Variants in SLC44A5 observed in about 807,000 individuals in gnomAD.
The protein encoded by SLC44A5 is choline transporter-like protein 5.
SLC44A5 carries 57 observed loss-of-function variants against 101.8 expected under a neutral mutation model. The ratio of observed to expected loss-of-function variants is 0.56; its 90% CI spans 0.45 to 0.70. The LOEUF (loss-of-function observed/expected upper bound fraction) is 0.70, where lower values mean the gene tolerates loss of function less well. Ranked by LOEUF, SLC44A5 falls within the 30% of genes least tolerant of loss-of-function variation. The pLI, the probability that SLC44A5 is intolerant of heterozygous loss-of-function variation, is 0.00. For synonymous variants in SLC44A5, 281 were observed against 290.9 expected (o/e 0.97, Z 0.35); for missense variants, 737 against 853.1 (o/e 0.86, Z 1.70).
chr1:75,207,914 G>A (rs1475059673), intron 23 of SLC44A5, among the ~76,000 whole-genome samples: 1 of 152,118 alleles, frequency 6.6e-6, no homozygotes, highest in Non-Finnish European at 1.5e-5. Context: ...TCACCTTGCT[G>A]TCTAGGATGC....
At chr1:75,637,870 G>A in the SLC44A5 span, among the ~76,000 whole-genome samples, 1 of 151,938 alleles carries the variant, frequency 6.6e-6, no homozygotes, top group African/African-American at 2.4e-5. Context: ...CTATCCATGA[G>A]ATCCCCTTAA....
the SLC44A5 span, among the ~76,000 whole-genome samples, chr1:75,644,194 TA>T: frequency 1.3e-5 from 2 of 151,884 alleles, no homozygotes; most frequent in Non-Finnish European, 2.9e-5. Flanking sequence ...ACTAAGATAG[TA>T]AAAAAAATTT....
intron 12 of SLC44A5, among the ~76,000 whole-genome samples, chr1:75,233,670 T>C (rs1044906863): frequency 6.6e-6 from 1 of 152,088 alleles, no homozygotes; most frequent in Non-Finnish European, 1.5e-5. Flanking sequence ...ATAAAAGAAG[T>C]TGTCTGAAAT....
chr1:75,325,439 A>T (rs1656504365), intron 4 of SLC44A5, among the ~76,000 whole-genome samples: 1 of 152,160 alleles, frequency 6.6e-6, no homozygotes, highest in Non-Finnish European at 1.5e-5. Flanking sequence ...GGAGATTTTT[A>T]TATATACATA....
intron 3 of SLC44A5, among the ~76,000 whole-genome samples, chr1:75,376,856 G>T (rs1204164609): frequency 3.3e-5 from 5 of 152,192 alleles, no homozygotes; most frequent in Admixed American, 2.6e-4. Context: ...AGAGCAGAAG[G>T]CTTCAGACGA....
intron 5 of SLC44A5, among the ~76,000 whole-genome samples, chr1:75,296,390 C>G (rs1470364903): frequency 6.6e-6 from 1 of 150,456 alleles, no homozygotes; most frequent in African/African-American, 2.5e-5. Flanking sequence ...TTAATATTCC[C>G]TCCAAATGTA....
At chr1:75,690,051 G>A in the SLC44A5 span, among the ~76,000 whole-genome samples, 1 of 152,104 alleles carries the variant, frequency 6.6e-6, no homozygotes, top group African/African-American at 2.4e-5. Flanking sequence ...AGAAATAGAA[G>A]ACTAACCTCC....
chr1:75,663,647 A>C, the SLC44A5 span, among the ~76,000 whole-genome samples: 2 of 152,334 alleles, frequency 1.3e-5, no homozygotes, highest in South Asian at 2.1e-4. Context: ...TAAATCAGTA[A>C]TAAAAAACTT....
the SLC44A5 span, chr1:75,677,824 T>C: frequency 1.3e-5 from 5 of 392,412 alleles, no homozygotes; most frequent in African/African-American, 6.7e-5. Flanking sequence ...AGAAGATGGG[T>C]GATTTCTGCA....
intron 1 of SLC44A5, among the ~76,000 whole-genome samples, chr1:75,575,256 A>T (rs1382043570): frequency 6.6e-6 from 1 of 152,190 alleles, no homozygotes; most frequent in African/African-American, 2.4e-5. Flanking sequence ...CACATGTGTC[A>T]TTATTTGTAA....
chr1:75,331,648 C>T (rs193047209), intron 4 of SLC44A5, among the ~76,000 whole-genome samples: 1 of 152,332 alleles, frequency 6.6e-6, no homozygotes, highest in Admixed American at 6.5e-5. Flanking sequence ...AAAACCCTCA[C>T]ATGACTTTTC....
Position 75,325,745 on chromosome 1 carries a change from C to T in SLC44A5, c.101+13837G>A, listed in dbSNP as rs781626733. The stretch of plus-strand genomic sequence containing the variant: ...TATGTTTCAAGCATCCACTGAGGGT[C>T]GTGTGCATGCATGCGTGTGTGTGTG... On this transcript the variant is annotated intron_variant, in intron 4 of 23. Coordinates refer to ENST00000370859, the MANE Select transcript of SLC44A5 (RefSeq NM_001130058.2). 4.6e-5 allele frequency among the ~76,000 whole-genome samples: 5 copies of T among 108,546 alleles called. No individual in the cohort carries two copies. The South Asian group carries it at 9.5e-4, about 21-fold the overall frequency. 71.2% of individuals were successfully genotyped at this position (108,546 alleles called of 152,430 possible).
chr1:75,341,316 C>A (rs547621044), intron 3 of SLC44A5, among the ~76,000 whole-genome samples: 24 of 152,206 alleles, frequency 1.6e-4, no homozygotes, highest in African/African-American at 5.1e-4. Context: ...GCCTGGGTAA[C>A]CTGGCAAAAC....
At chr1:75,404,422 G>A (rs529374771) in intron 2 of SLC44A5, among the ~76,000 whole-genome samples, 2 of 152,226 alleles carry the variant, frequency 1.3e-5, no homozygotes, top group East Asian at 3.9e-4. Flanking sequence ...TAAAATGAAG[G>A]AAAAAATGTT....
chr1:75,642,984 C>T, the SLC44A5 span, among the ~76,000 whole-genome samples: 1 of 152,074 alleles, frequency 6.6e-6, no homozygotes, highest in Non-Finnish European at 1.5e-5. Context: ...CATGTCTTCC[C>T]CTGATTTCAT....
At chr1:75,358,174 TG>T (rs2101101350) in intron 3 of SLC44A5, among the ~76,000 whole-genome samples, 1 of 152,282 alleles carries the variant, frequency 6.6e-6, no homozygotes, top group Admixed American at 6.5e-5. Context: ...AACAGAAAAT[TG>T]GTAAGTTTGA....
At chr1:75,659,301 T>A in the SLC44A5 span, among the ~76,000 whole-genome samples, 31 of 111,832 alleles carry the variant, frequency 2.8e-4, no homozygotes, top group Admixed American at 2.3e-3. Flanking sequence ...AAGATTTTTT[T>A]AAAAAAGAGA....
chr1:75,666,888 C>A, the SLC44A5 span, among the ~76,000 whole-genome samples: 1 of 152,104 alleles, frequency 6.6e-6, no homozygotes, highest in Non-Finnish European at 1.5e-5. Context: ...ATTCAACATC[C>A]CTTCATGCTA....
the SLC44A5 span, among the ~76,000 whole-genome samples, chr1:75,639,214 C>T: frequency 5.3e-4 from 81 of 152,148 alleles, no homozygotes; most frequent in Non-Finnish European, 9.4e-4. Context: ...GTTCTCACCA[C>T]AAAATGATAA....
Sources: allele counts gnomAD v4.1 joint callset (sites outside exome capture counted in the v4.1 genomes callset), GRCh38; gene constraint gnomAD v4.1.1; transcripts MANE v1.5; gene names NCBI Gene and HGNC (gene_info 2026-07-23, HGNC 2026-07-21).